The following LINGO2 variants were observed in gnomAD, a reference collection of about 807,000 sequenced individuals.
The protein encoded by LINGO2 is leucine rich repeat and Ig domain containing 2.
LINGO2 carries 14 observed loss-of-function variants against 30.6 expected under a neutral mutation model. The ratio of observed to expected loss-of-function variants is 0.46; its 90% confidence interval spans 0.30 to 0.72. LINGO2 has a LOEUF of 0.72. Among genes scored for constraint, LINGO2 ranks in the 30% least tolerant of loss-of-function variants. The pLI is 0.07. For missense variants in LINGO2, 729 were observed against 751.7 expected, an observed-to-expected ratio of 0.97 and a Z score of 0.35; for synonymous variants, 317 against 288.5, an observed-to-expected ratio of 1.10 and a Z score of -1.00.
chr9:28,506,840 A>G (rs1820159580), intron 1 of LINGO2, among the ~76,000 whole-genome samples: 1 of 151,892 alleles, frequency 6.6e-6, no homozygotes. Flanking sequence ...TTGCAAAGGT[A>G]TTCCCCCTGG....
At position 27,985,004 on chromosome 9, in the gene LINGO2, C is replaced by T. The variant is rs538666011; in HGVS notation, c.-36+27351G>A. Among the ~76,000 whole-genome samples, 4 of 147,390 alleles carry T rather than the reference C, an allele frequency of 2.7e-5. No individual in the cohort carries two copies. The East Asian group carries it at 8.0e-4, about 30-fold the overall frequency. ...GGAAGAGGTTGAACTGAAGTAAGCA[C>T]TTCTGTTTTGACAAAAATAATTAGA... On this transcript the variant is annotated intron_variant, in intron 5 of 5. Coordinates refer to ENST00000379992, the Ensembl canonical transcript of LINGO2.
intron 1 of LINGO2, among the ~76,000 whole-genome samples, chr9:28,651,438 GAT>G: frequency 6.6e-6 from 1 of 152,172 alleles, no homozygotes; most frequent in East Asian, 1.9e-4. Flanking sequence ...GTCCCAGTGA[GAT>G]AGCTCTGAGA....
intron 4 of LINGO2, among the ~76,000 whole-genome samples, chr9:28,231,162 C>CA (rs71304829): frequency 0.22 from 32,672 of 146,070 alleles, 3,643 homozygotes; most frequent in African/African-American, 0.28. Flanking sequence ...GCTTAAGCCT[C>CA]AAAAAAAAAA....
intron 5 of LINGO2, among the ~76,000 whole-genome samples, chr9:28,009,036 A>C (rs1822413888): frequency 6.6e-6 from 1 of 152,178 alleles, no homozygotes; most frequent in African/African-American, 2.4e-5. Flanking sequence ...CAGTAATCAA[A>C]ACAGTGTGGT....
the LINGO2 span, among the ~76,000 whole-genome samples, chr9:29,200,731 T>TA: frequency 2.0e-5 from 3 of 152,102 alleles, no homozygotes; most frequent in African/African-American, 7.2e-5. Context: ...CCTTAGTTTT[T>TA]ATCAAATGTC....
chr9:28,673,424 T>C (rs964402733), upstream of LINGO2, among the ~76,000 whole-genome samples: 5 of 152,216 alleles, frequency 3.3e-5, no homozygotes, highest in South Asian at 4.2e-4. Context: ...CCCAGCACTT[T>C]GGGAGGCCGA....
chr9:28,646,169 G>A (rs1405821391), intron 1 of LINGO2, among the ~76,000 whole-genome samples: 1 of 152,026 alleles, frequency 6.6e-6, no homozygotes, highest in East Asian at 1.9e-4. Context: ...TCTCGGGGAA[G>A]TGCTCTAGCA....
At chr9:29,062,292 A>T in the LINGO2 span, among the ~76,000 whole-genome samples, 3 of 152,094 alleles carry the variant, frequency 2.0e-5, no homozygotes, top group South Asian at 6.2e-4. Flanking sequence ...TCCTCAAAAA[A>T]ATTAAAAATA....
the LINGO2 span, among the ~76,000 whole-genome samples, chr9:28,863,448 G>C: frequency 1.3e-5 from 2 of 151,990 alleles, no homozygotes; most frequent in Non-Finnish European, 2.9e-5. Context: ...ATAATTTCTG[G>C]TGTGTTTGAC....
At chr9:28,729,036 G>C in the LINGO2 span, among the ~76,000 whole-genome samples, 57 of 152,146 alleles carry the variant, frequency 3.7e-4, 1 homozygote, top group East Asian at 0.01. Context: ...CTCTAGACTG[G>C]GGGACTGGCA....
At chr9:28,377,033 A>G in intron 2 of LINGO2, among the ~76,000 whole-genome samples, 1 of 145,660 alleles carries the variant, frequency 6.9e-6, no homozygotes, top group East Asian at 2.4e-4. Flanking sequence ...TGAAATCTAG[A>G]CATCTACAGA....
chr9:28,927,807 C>CT, the LINGO2 span, among the ~76,000 whole-genome samples: 1 of 152,164 alleles, frequency 6.6e-6, no homozygotes, highest in African/African-American at 2.4e-5. Flanking sequence ...GGCCAGTGCT[C>CT]TTTATCATCC....
intron 4 of LINGO2, among the ~76,000 whole-genome samples, chr9:28,058,623 C>A (rs1040989032): frequency 1.3e-5 from 2 of 152,004 alleles, no homozygotes; most frequent in African/African-American, 2.4e-5. Context: ...CACCAATGAA[C>A]AAGAAAATTA....
intron 5 of LINGO2, among the ~76,000 whole-genome samples, chr9:27,993,538 C>A (rs568002808): frequency 6.6e-6 from 1 of 152,184 alleles, no homozygotes; most frequent in African/African-American, 2.4e-5. Flanking sequence ...TAGTGAGACC[C>A]TGTCACATAC....
the LINGO2 span, among the ~76,000 whole-genome samples, chr9:28,918,582 C>T: frequency 6.6e-6 from 1 of 152,152 alleles, no homozygotes; most frequent in Admixed American, 6.5e-5. Context: ...GATTGTAGAA[C>T]ACAAAGCTAG....
chr9:28,992,353 CA>C, the LINGO2 span, among the ~76,000 whole-genome samples: 15 of 152,112 alleles, frequency 9.9e-5, no homozygotes, highest in African/African-American at 3.6e-4. Flanking sequence ...CGGGAGCACC[CA>C]AATTCATAAA....
At chr9:29,152,350 C>T in the LINGO2 span, among the ~76,000 whole-genome samples, 70 of 152,244 alleles carry the variant, frequency 4.6e-4, no homozygotes, top group Admixed American at 3.7e-3. Context: ...GCAAAAAAGA[C>T]ACATGCATTT....
At chr9:28,358,914 A>G (rs1483072872) in intron 3 of LINGO2, among the ~76,000 whole-genome samples, 1 of 152,152 alleles carries the variant, frequency 6.6e-6, no homozygotes, top group East Asian at 1.9e-4. Flanking sequence ...GGTTGAATCC[A>G]ACTGCTGCTA....
chr9:27,969,341 A>T (rs549404794), intron 5 of LINGO2, among the ~76,000 whole-genome samples: 23 of 152,162 alleles, frequency 1.5e-4, no homozygotes, highest in Non-Finnish European at 2.6e-4. Flanking sequence ...TTCCAACAAG[A>T]AAACTGGTTT....
Sources: gnomAD v4.1 joint callset for allele counts (sites outside exome capture counted in the v4.1 genomes callset) on GRCh38, gnomAD v4.1.1 for gene constraint, MANE v1.5 for transcripts, NCBI Gene and HGNC (gene_info 2026-07-23, HGNC 2026-07-21) for gene names.